FHIT: variants seen among roughly 807,000 people sequenced by gnomAD.
FHIT encodes bis(5'-adenosyl)-triphosphatase.
Under a neutral mutation model 17.9 loss-of-function variants are expected in FHIT, and 19 were observed. The observed-to-expected ratio is 1.06, with a 90% confidence interval of 0.74 to 1.56. The LOEUF (loss-of-function observed/expected upper bound fraction) is 1.56, where lower values mean the gene tolerates loss of function less well. Among genes scored for constraint, FHIT ranks in the 40% most tolerant of loss-of-function variants. FHIT has a pLI of 0.00. For synonymous variants in FHIT, 81 were observed against 69.7 expected (o/e 1.16, Z -0.81); for missense variants, 248 against 189.2 (o/e 1.31, Z -1.82).
At chr3:59,762,727 AC>A (rs1261698852) in intron 8 of FHIT, among the ~76,000 whole-genome samples, 2 of 151,866 alleles carry the variant, frequency 1.3e-5, no homozygotes, top group African/African-American at 4.8e-5. Context: ...CTGCTGGAAA[AC>A]CTCTTCTGAG....
intron 5 of FHIT, among the ~76,000 whole-genome samples, chr3:60,329,155 T>A (rs1427794923): frequency 6.6e-6 from 1 of 152,226 alleles, no homozygotes; most frequent in Non-Finnish European, 1.5e-5. Flanking sequence ...AATAGACTGT[T>A]CAATGAGCAA....
At chr3:60,248,630 AG>A (rs1705527187) in intron 5 of FHIT, among the ~76,000 whole-genome samples, 1 of 152,188 alleles carries the variant, frequency 6.6e-6, no homozygotes, top group East Asian at 1.9e-4. Context: ...AAAATGATAT[AG>A]CCTACCACTT....
intron 4 of FHIT, among the ~76,000 whole-genome samples, chr3:60,789,169 T>TAG (rs1223357758): frequency 5.6e-5 from 7 of 124,982 alleles, no homozygotes; most frequent in African/African-American, 2.2e-4. Context: ...TATATATATA[T>TAG]ATATATAGAG....
intron 5 of FHIT, among the ~76,000 whole-genome samples, chr3:60,106,412 A>T (rs556511703): frequency 2.6e-5 from 4 of 152,192 alleles, no homozygotes; most frequent in Non-Finnish European, 5.9e-5. Flanking sequence ...TTTTGCTCTC[A>T]CACCTCAAAC....
chr3:60,324,033 G>A (rs372067238), intron 5 of FHIT, among the ~76,000 whole-genome samples: 10 of 152,160 alleles, frequency 6.6e-5, no homozygotes, highest in East Asian at 3.9e-4. Context: ...TTGTTGAAAT[G>A]AAATCTTATT....
At chr3:60,632,177 G>A (rs906150611) in intron 4 of FHIT, among the ~76,000 whole-genome samples, 2 of 152,034 alleles carry the variant, frequency 1.3e-5, no homozygotes, top group Non-Finnish European at 2.9e-5. Context: ...ATCTTCAGGG[G>A]CTGACTAATT....
chr3:60,293,945 T>C (rs956423640), intron 5 of FHIT, among the ~76,000 whole-genome samples: 5 of 152,152 alleles, frequency 3.3e-5, no homozygotes, highest in African/African-American at 9.7e-5. Context: ...GGAGGTGCCA[T>C]GGAATTCACT....
chr3:60,452,329 G>A (rs2031804567), intron 5 of FHIT, among the ~76,000 whole-genome samples: 2 of 152,142 alleles, frequency 1.3e-5, no homozygotes, highest in African/African-American at 2.4e-5. Context: ...AAAACCCTAT[G>A]AAGTGGTTTA....
chr3:59,834,272 T>A (rs1455250768), intron 8 of FHIT, among the ~76,000 whole-genome samples: 7 of 152,162 alleles, frequency 4.6e-5, no homozygotes, highest in Admixed American at 4.6e-4. Context: ...TCATTCATGA[T>A]GTTTTATGAG....
At chr3:60,758,595 A>T (rs1699529333) in intron 4 of FHIT, among the ~76,000 whole-genome samples, 1 of 152,206 alleles carries the variant, frequency 6.6e-6, no homozygotes, top group African/African-American at 2.4e-5. Flanking sequence ...CAGAAAATAA[A>T]ATAAGCATTA....
chr3:60,049,348 C>A (rs923703659), intron 5 of FHIT, among the ~76,000 whole-genome samples: 2 of 152,104 alleles, frequency 1.3e-5, no homozygotes, highest in African/African-American at 4.8e-5. Context: ...ACGGCTCATG[C>A]AAGTGGAAAA....
At chr3:61,195,274 C>CA (rs941921811) in intron 2 of FHIT, among the ~76,000 whole-genome samples, 4 of 148,064 alleles carry the variant, frequency 2.7e-5, no homozygotes, top group Non-Finnish European at 4.5e-5. Context: ...AAGCACTTCT[C>CA]AAAAAAAAAG....
intron 5 of FHIT, among the ~76,000 whole-genome samples, chr3:60,380,527 G>T (rs1700754818): frequency 6.6e-6 from 1 of 152,108 alleles, no homozygotes; most frequent in Non-Finnish European, 1.5e-5. Context: ...TTACAGCGAG[G>T]ATACTGAGAC....
chr3:60,636,846 C>G (rs2039600325), intron 4 of FHIT, among the ~76,000 whole-genome samples: 2 of 152,316 alleles, frequency 1.3e-5, no homozygotes, highest in South Asian at 4.1e-4. Context: ...AAGGGACATC[C>G]TGTGACCTCA....
chr3:61,082,957 C>T (rs2035187103), intron 2 of FHIT, among the ~76,000 whole-genome samples: 1 of 152,106 alleles, frequency 6.6e-6, no homozygotes, highest in Non-Finnish European at 1.5e-5. Context: ...GGTGGTATGG[C>T]CGTAGACTAC....
chr3:60,829,631 C>G (rs1226641219), intron 3 of FHIT, among the ~76,000 whole-genome samples: 1 of 152,128 alleles, frequency 6.6e-6, no homozygotes, highest in African/African-American at 2.4e-5. Flanking sequence ...AATGTGCTTT[C>G]TGTAGTATTC....
In FHIT at chr3:60,838,227, C is replaced by T. The variant is rs370828284; in HGVS notation, c.-110-16216G>A. Reference sequence around the variant, plus strand: ...GTGGCTCACGCCTGTAATCCCAGCACTTTGGGAAGCCGAGGCAGGCGGATT... The same window carrying T: ...GTGGCTCACGCCTGTAATCCCAGCATTTTGGGAAGCCGAGGCAGGCGGATT... On this transcript the variant is annotated intron_variant, in intron 3 of 9. Transcript: ENST00000492590. Among the ~76,000 whole-genome samples the T allele has an allele frequency of 2.5e-3, 381 of 152,208 alleles. 1 individual carries two copies. Among genetic ancestry groups the T allele is most frequent in the African/African-American group, 8.7e-3 (362 of 41,522 alleles).
chr3:60,059,121 G>T (rs563602679), intron 5 of FHIT, among the ~76,000 whole-genome samples: 23 of 152,312 alleles, frequency 1.5e-4, no homozygotes, highest in African/African-American at 4.8e-4. Flanking sequence ...TGGTCAGGTG[G>T]TTGTTAACTC....
chr3:60,441,770 T>TCACACACA (rs1212814907), intron 5 of FHIT, among the ~76,000 whole-genome samples: 13,653 of 41,154 alleles, frequency 0.33, 4,282 homozygotes, highest in Non-Finnish European at 0.52. Flanking sequence ...ATATATATAT[T>TCACACACA]TATATGTATA....
Sources: allele counts gnomAD v4.1 joint callset (sites outside exome capture counted in the v4.1 genomes callset), GRCh38; gene constraint gnomAD v4.1.1; transcripts MANE v1.5; gene names NCBI Gene and HGNC (gene_info 2026-07-23, HGNC 2026-07-21).